ADH4: variants seen among roughly 807,000 people sequenced by gnomAD.
ADH4 encodes all-trans-retinol dehydrogenase [NAD(+)] ADH4.
In ADH4, 31 loss-of-function variants were observed where a neutral mutation model predicts 35.2. That is an observed-to-expected ratio of 0.88 (90% CI 0.66 to 1.19). The LOEUF (loss-of-function observed/expected upper bound fraction) is 1.19, where lower values mean the gene tolerates loss of function less well. Ranked by LOEUF, ADH4 falls within the 50% of genes most tolerant of loss-of-function variation. ADH4 has a pLI of 0.00. For missense variants in ADH4, 476 were observed against 458.3 expected, an observed-to-expected ratio of 1.04 and a Z score of -0.35; for synonymous variants, 171 against 160.2, an observed-to-expected ratio of 1.07 and a Z score of -0.51.
At chr4:99,142,812 T>G (rs369425769) in intron 1 of ADH4, 32 bp from the exon 2 acceptor site, 1 of 1,524,628 alleles carries the variant, frequency 6.6e-7, no homozygotes, top group African/African-American at 1.4e-5. Flanking sequence ...AAGAGGGAGA[T>G]AGAGATAGAG....
At chr4:99,127,018 T>C (rs1011801740) in intron 7 of ADH4, among the ~76,000 whole-genome samples, 191 bp downstream of exon 7, 6 of 152,022 alleles carry the variant, frequency 3.9e-5, no homozygotes, top group African/African-American at 1.4e-4. Context: ...AAATTTCAAT[T>C]TGCAAATTAT....
At chr4:99,127,161 G>T in intron 7 of ADH4, 48 bp downstream of exon 7, 1 of 1,485,934 alleles carries the variant, frequency 6.7e-7, no homozygotes, top group East Asian at 2.3e-5. Context: ...AAGAATTTCA[G>T]AACTACTAGG....
At position 99,131,673 on chromosome 4, in the gene ADH4, A is replaced by T. The variant is rs1560776970; in HGVS notation, c.674T>A (p.Ile225Asn). The stretch of plus-strand genomic sequence containing the variant: ...CTCACTGTTGATGTCAATACCTATG[A>T]TTCTGGAAGCTCCTGCTGCTTTACA... Reference protein sequence around the residue: ...MGCKAAGASRIIGIDINSEKF... With the variant: ...MGCKAAGASRNIGIDINSEKF... The change falls in exon 6 of 9, where the codon ATC (isoleucine) becomes AAC (asparagine). Residue 225 changes from isoleucine to asparagine, a missense_variant. Transcript: ENST00000265512. 6.2e-7 allele frequency: 1 copy of T among 1,614,136 alleles called. No individual in the cohort carries two copies. Among genetic ancestry groups the T allele is most frequent in the Non-Finnish European group, 8.5e-7 (1 of 1,180,012 alleles).
intron 6 of ADH4, among the ~76,000 whole-genome samples, chr4:99,129,390 A>AG (rs1719390512): frequency 6.6e-6 from 1 of 152,148 alleles, no homozygotes; most frequent in African/African-American, 2.4e-5. Flanking sequence ...AGTTTCATGA[A>AG]GAGGAATTTA....
In ADH4 at chr4:99,136,550, T is replaced by G; in HGVS notation, c.498A>C (p.Ile166=). Residue 166 remains isoleucine, a synonymous_variant, in exon 5 of 9, where the codon ATA becomes ATC. Coordinates refer to ENST00000265512, the MANE Select transcript of ADH4 (RefSeq NM_000670.5). ...TVVSDINLAK[I]DDDANLERVC... ...CTCTCTCTAAATTTGCATCATCATC[T>G]ATTTTGGCAAGATTGATATCTGACA... 6.2e-7 allele frequency: 1 copy of G among 1,614,180 alleles called. No homozygotes were observed. The highest frequency in any genetic ancestry group is 1.1e-5 in the South Asian group (1 of 91,088).
chr4:99,126,800 C>A, intron 7 of ADH4, 68 bp from the exon 8 acceptor site: 1 of 1,439,690 alleles, frequency 6.9e-7, no homozygotes, highest in Non-Finnish European at 9.4e-7. Flanking sequence ...TCAGCATTTG[C>A]TGAATGAATG....
At chr4:99,141,807 A>C in intron 2 of ADH4, 125 bp from the exon 3 acceptor site, 1 of 858,558 alleles carries the variant, frequency 1.2e-6, no homozygotes, top group East Asian at 2.9e-5. Context: ...CAATAAAAGA[A>C]TCACCTTTTG....
At chr4:99,139,191 C>T in intron 3 of ADH4, 43 bp from the exon 4 acceptor site, 1 of 1,294,880 alleles carries the variant, frequency 7.7e-7, no homozygotes, top group Non-Finnish European at 1.1e-6. Context: ...TAAGGTGTTA[C>T]TTATAGCTTC....
At chr4:99,136,422 C>T (rs1250053545) in intron 5 of ADH4, 44 bp downstream of exon 5, 1 of 1,519,492 alleles carries the variant, frequency 6.6e-7, no homozygotes, top group Admixed American at 1.7e-5. Flanking sequence ...CACACTGCCT[C>T]CTAGTAACTT....
chr4:99,139,662 A>G (rs867544913), intron 3 of ADH4, among the ~76,000 whole-genome samples: 2 of 152,186 alleles, frequency 1.3e-5, no homozygotes, highest in African/African-American at 4.8e-5. Context: ...ATTCACATTC[A>G]TTCAACATTT....
At chr4:99,135,916 A>C (rs559862289) in intron 5 of ADH4, among the ~76,000 whole-genome samples, 132 of 152,266 alleles carry the variant, frequency 8.7e-4, no homozygotes, top group Non-Finnish European at 1.5e-3. Context: ...TCTAAATTCT[A>C]ACATGGGATT....
At position 99,139,061 on chromosome 4, in the gene ADH4, C is replaced by G. The variant is rs775985905; in HGVS notation, c.350G>C (p.Ser117Thr). Residue 117 changes from serine to threonine, a missense_variant and splice_region_variant, in exon 4 of 9, where the codon AGT becomes ACT. Ser to Thr is a moderately conservative substitution (Grantham distance 58). Coordinates refer to ENST00000265512, the MANE Select transcript of ADH4 (RefSeq NM_000670.5). ...AATACTAACAGTGTAGAGTGCTTAC[C>G]TGATTTTCCCACACAAATTTGTGAG... ...SPLTNLCGKI[S>T]NLKSPASDQQ... 2 of 1,609,388 alleles carry G rather than the reference C, an allele frequency of 1.2e-6. No individual in the cohort carries two copies. Among genetic ancestry groups the G allele is most frequent in the Non-Finnish European group, 8.5e-7 (1 of 1,176,304 alleles).
At chr4:99,125,011 C>G (rs1265345561) in intron 8 of ADH4, among the ~76,000 whole-genome samples, 1 of 152,222 alleles carries the variant, frequency 6.6e-6, no homozygotes, top group African/African-American at 2.4e-5. Flanking sequence ...GGGTGCTATG[C>G]ATAAATGTTT....
At chr4:99,127,124 T>C (rs761406306) in intron 7 of ADH4, 85 bp downstream of exon 7, 22 of 1,175,246 alleles carry the variant, frequency 1.9e-5, no homozygotes, top group Non-Finnish European at 2.4e-5. Context: ...TAAATTATTT[T>C]TATTTCTTTT....
At chr4:99,137,377 C>T (rs13133214) in intron 4 of ADH4, among the ~76,000 whole-genome samples, 31,844 of 151,894 alleles carry the variant, frequency 0.21, 3,983 homozygotes, top group Non-Finnish European at 0.28. Context: ...CCACCCGCCT[C>T]AGCCTCCCAA....
At chr4:99,142,312 C>T (rs1729652170) in intron 2 of ADH4, among the ~76,000 whole-genome samples, 1 of 152,204 alleles carries the variant, frequency 6.6e-6, no homozygotes, top group Non-Finnish European at 1.5e-5. Context: ...GTTTTTTCTT[C>T]TGTCTTGTTT....
intron 2 of ADH4, among the ~76,000 whole-genome samples, 154 bp from the exon 3 acceptor site, chr4:99,141,836 A>T (rs1729635082): frequency 6.6e-6 from 1 of 152,214 alleles, no homozygotes; most frequent in African/African-American, 2.4e-5. Flanking sequence ...ACCAATAAAA[A>T]TATACTGGGT....
At position 99,142,756 on chromosome 4, in the gene ADH4, C is replaced by CAAGAGA. The variant is rs1729670883; in HGVS notation, c.42_43insTCTCTT (p.Ile14_Ala15insSerLeu). The CAAGAGA allele has an allele frequency of 3.7e-6, 6 of 1,602,272 alleles. No individual in the cohort carries two copies. The East Asian group carries it at 1.3e-4, about 36-fold the overall frequency. ...CAAAGGGGCTTGCCTGCTTCCCAGG[C>CAAGAGA]GATGGCTGCTTTGCATTTAATAACC... On this transcript the variant is annotated inframe_insertion, in exon 2 of 9. Coordinates refer to ENST00000265512, the MANE Select transcript of ADH4 (RefSeq NM_000670.5).
In ADH4 at chr4:99,123,895, A is replaced by ACC. The variant is rs1375887909; in HGVS notation, c.*546_*547insGG. 1.3e-5 allele frequency: 2 copies of ACC among 154,428 alleles called. No individual in the cohort carries two copies. The highest frequency in any genetic ancestry group is 2.9e-5 in the Non-Finnish European group (2 of 69,904). 9.6% of individuals were successfully genotyped at this position (154,428 alleles called of 1,614,324 possible). A position where few individuals can be genotyped will look rare whatever the true frequency, so the allele number is the denominator to read the frequency against. On this transcript the variant is annotated 3_prime_UTR_variant, in exon 9 of 9. Transcript: ENST00000265512. ...AACATGTACCATGGTGCTTTGCTGC[A>ACC]CAGATCATCTCATCACCCAGGTATG...
Sources: allele counts gnomAD v4.1 joint callset (sites outside exome capture counted in the v4.1 genomes callset), GRCh38; gene constraint gnomAD v4.1.1; transcripts MANE v1.5; gene names NCBI Gene and HGNC (gene_info 2026-07-23, HGNC 2026-07-21).